The following SMIM36 variants were observed in gnomAD, a reference collection of about 807,000 sequenced individuals.
SMIM36 encodes small integral membrane protein 36.
chr17:55,460,747 A>G (rs569208725), intron 4 of SMIM36, among the ~76,000 whole-genome samples: 104 of 152,122 alleles, frequency 6.8e-4, no homozygotes, highest in South Asian at 4.4e-3. Flanking sequence ...AGTCCCAGCT[A>G]CTCGGGAGGC....
At chr17:55,501,340 T>A (rs1416981125) in intron 1 of SMIM36, among the ~76,000 whole-genome samples, 9 of 50,328 alleles carry the variant, frequency 1.8e-4, no homozygotes, top group Non-Finnish European at 3.6e-4. Flanking sequence ...TATAATATAT[T>A]ATATATTATA....
intron 4 of SMIM36, among the ~76,000 whole-genome samples, chr17:55,452,158 C>T (rs1346780074): frequency 6.6e-6 from 1 of 150,894 alleles, no homozygotes; most frequent in African/African-American, 2.4e-5. Flanking sequence ...CATATTTGAC[C>T]CACATATGGT....
intron 1 of SMIM36, among the ~76,000 whole-genome samples, chr17:55,485,903 A>G (rs182597879): frequency 5.6e-4 from 85 of 152,272 alleles, no homozygotes; most frequent in African/African-American, 1.9e-3. Flanking sequence ...ATCCATATAT[A>G]TTCTTATCCA....
intron 1 of SMIM36, among the ~76,000 whole-genome samples, chr17:55,501,003 C>T (rs181285407): frequency 0.033 from 143 of 4,396 alleles, 8 homozygotes; most frequent in East Asian, 0.28. Context: ...TAATATGTAA[C>T]ATATTATTAT....
chr17:55,467,682 C>T (rs2143251879), intron 3 of SMIM36, among the ~76,000 whole-genome samples: 1 of 152,294 alleles, frequency 6.6e-6, no homozygotes, highest in African/African-American at 2.4e-5. Flanking sequence ...AGGCGTGAGC[C>T]ACCGCACTCG....
intron 1 of SMIM36, among the ~76,000 whole-genome samples, chr17:55,510,430 C>A (rs1910159888): frequency 6.6e-6 from 1 of 151,922 alleles, no homozygotes; most frequent in Non-Finnish European, 1.5e-5. Flanking sequence ...CATAGTGAAA[C>A]CCCATCTCTA....
chr17:55,508,431 AATATATATATATATATATAT>A lies in SMIM36; in HGVS notation c.*174+2428_*174+2447del, dbSNP rs55879501. ...CATATTTTATATATATATTCCTAGG[AATATATATATATATATATAT>A]ATATATATATATATATATGAACCTG... On this transcript the variant is annotated intron_variant, in intron 1 of 4. Coordinates refer to ENST00000636752, the Ensembl canonical transcript of SMIM36. Among the ~76,000 whole-genome samples, 92 of 114,292 alleles carry A rather than the reference AATATATATATATATATATAT, an allele frequency of 8.0e-4. 1 individual carries two copies. Among genetic ancestry groups the A allele is most frequent in the African/African-American group, 2.8e-3 (79 of 28,376 alleles). 75.0% of individuals were successfully genotyped at this position (114,292 alleles called of 152,430 possible).
chr17:55,511,138 C>T (rs1598460199), exon 1 of SMIM36: 1 of 398,648 alleles, frequency 2.5e-6, no homozygotes, highest in East Asian at 3.6e-5. Flanking sequence ...CCCAGCGACA[C>T]TTGGGTGCAT....
intron 1 of SMIM36, among the ~76,000 whole-genome samples, chr17:55,496,432 A>G (rs1282474245): frequency 2.0e-5 from 3 of 152,184 alleles, no homozygotes; most frequent in African/African-American, 4.8e-5. Context: ...ACTTCCTACT[A>G]TCTTGGGAGG....
chr17:55,465,899 TG>T lies in SMIM36; in HGVS notation c.*531+1245del, dbSNP rs1333246366. On this transcript the variant is annotated intron_variant, in intron 4 of 4. Transcript: ENST00000636752. The stretch of plus-strand genomic sequence containing the variant: ...CATAGGTGATTTAGATCCACTGGAC[TG>T]CAGGATGGGTGCCCTTTCACCTATA... 5.3e-5 allele frequency among the ~76,000 whole-genome samples: 8 copies of T among 152,276 alleles called. No homozygotes were observed. The East Asian group carries it at 9.6e-4, about 18-fold the overall frequency.
chr17:55,482,700 T>C (rs1909540522), intron 1 of SMIM36, among the ~76,000 whole-genome samples: 1 of 152,200 alleles, frequency 6.6e-6, no homozygotes, highest in African/African-American at 2.4e-5. Flanking sequence ...ACTACCTTTA[T>C]CCTTTGCATT....
intron 1 of SMIM36, among the ~76,000 whole-genome samples, chr17:55,493,374 G>A (rs570343797): frequency 6.6e-6 from 1 of 152,308 alleles, no homozygotes; most frequent in South Asian, 2.1e-4. Context: ...ACCCCAGGCT[G>A]CTGCTCCAAG....
At chr17:55,477,851 C>CTT (rs34470317) in intron 3 of SMIM36, among the ~76,000 whole-genome samples, 1 of 144,708 alleles carries the variant, frequency 6.9e-6, no homozygotes, top group African/African-American at 2.6e-5. Flanking sequence ...GAACCTATTA[C>CTT]TTTTTTTTTT....
intron 4 of SMIM36, among the ~76,000 whole-genome samples, chr17:55,464,840 C>T (rs188457079): frequency 2.6e-5 from 4 of 152,286 alleles, no homozygotes; most frequent in East Asian, 1.9e-4. Flanking sequence ...TTCTTTCATT[C>T]GCTCCTTTGA....
At chr17:55,491,638 C>T (rs558412750) in intron 1 of SMIM36, among the ~76,000 whole-genome samples, 1 of 152,312 alleles carries the variant, frequency 6.6e-6, no homozygotes, top group South Asian at 2.1e-4. Flanking sequence ...GGCCTCTCAG[C>T]TAACTAAATG....
chr17:55,454,415 G>A (rs944592756), intron 4 of SMIM36, among the ~76,000 whole-genome samples: 13 of 151,896 alleles, frequency 8.6e-5, no homozygotes, highest in Non-Finnish European at 1.5e-5. Context: ...AAAGCTGCAG[G>A]GATTACCGTT....
chr17:55,527,698 T>G, the SMIM36 span: 1 of 152,266 alleles, frequency 6.6e-6, no homozygotes, highest in Non-Finnish European at 1.5e-5. Context: ...AGAGAAACAC[T>G]GCATGTGCAC....
intron 4 of SMIM36, among the ~76,000 whole-genome samples, chr17:55,455,335 T>C (rs895874665): frequency 1.3e-5 from 2 of 152,082 alleles, no homozygotes; most frequent in Admixed American, 6.6e-5. Context: ...CCTCATTTCA[T>C]CTCCTTCTAT....
chr17:55,524,828 T>C, the SMIM36 span, among the ~76,000 whole-genome samples: 1 of 152,226 alleles, frequency 6.6e-6, no homozygotes, highest in African/African-American at 2.4e-5. Flanking sequence ...CCTGGAATAG[T>C]GAAGGATCAC....
Sources: gnomAD v4.1 joint callset for allele counts (sites outside exome capture counted in the v4.1 genomes callset) on GRCh38, gnomAD v4.1.1 for gene constraint, MANE v1.5 for transcripts, NCBI Gene and HGNC (gene_info 2026-07-23, HGNC 2026-07-21) for gene names.